The following PLXNA4 variants were observed in gnomAD, a reference collection of about 807,000 sequenced individuals.
PLXNA4 encodes plexin A4.
In PLXNA4, 44 loss-of-function variants were observed where a neutral mutation model predicts 191.8. The ratio of observed to expected loss-of-function variants is 0.23; its 90% CI spans 0.18 to 0.29. The LOEUF is 0.29. PLXNA4 is among the 10% of genes least tolerant of loss of function. The probability of loss-of-function intolerance (pLI) is 1.00; values close to 1 mark genes in which losing one functional copy is unlikely to be tolerated. For synonymous variants in PLXNA4, 1,082 were observed against 1,009.5 expected (o/e 1.07, Z -1.36); for missense variants, 1,800 against 2,488.8 (o/e 0.72, Z 5.89).
At chr7:132,228,274 T>A in intron 6 of PLXNA4, 72 bp downstream of exon 6, 1 of 1,597,742 alleles carries the variant, frequency 6.3e-7, no homozygotes, top group Non-Finnish European at 8.5e-7. Flanking sequence ...GGCCTTGGGC[T>A]AAGGCACTTT....
At chr7:132,427,100 C>G (rs1178134624) in intron 3 of PLXNA4, among the ~76,000 whole-genome samples, 1 of 152,184 alleles carries the variant, frequency 6.6e-6, no homozygotes, top group African/African-American at 2.4e-5. Context: ...TGGTGGGAGA[C>G]TTGAGCAACC....
rs779656758 is a variant in PLXNA4, at chr7:132,507,585, C to T, written c.1109G>A (p.Arg370Gln). The T allele has an allele frequency of 2.2e-5, 35 of 1,614,004 alleles. No homozygotes were observed. The highest frequency in any genetic ancestry group is 3.0e-5 in the Non-Finnish European group (35 of 1,180,036). Residue 370 changes from arginine to glutamine, a missense_variant, in exon 2 of 32, where the codon CGG becomes CAG. Arg to Gln is a conservative substitution (Grantham distance 43). Coordinates refer to ENST00000321063, the MANE Select transcript of PLXNA4 (RefSeq NM_020911.2). The part of the protein sequence containing the change: ...LKQINDRIKE[R>Q]LQSCYRGEGT... ...CTCGCCCCGGTAACAAGACTGCAGC[C>T]GCTCCTTAATGCGGTCATTTATCTG...
At chr7:132,540,480 G>A (rs1170407281) in intron 1 of PLXNA4, among the ~76,000 whole-genome samples, 2 of 151,264 alleles carry the variant, frequency 1.3e-5, no homozygotes, top group African/African-American at 2.4e-5. Context: ...TTCCAACACG[G>A]TGTTAGTAGG....
chr7:132,211,475 C>T (rs987991317), intron 9 of PLXNA4, among the ~76,000 whole-genome samples: 1 of 152,232 alleles, frequency 6.6e-6, no homozygotes, highest in African/African-American at 2.4e-5. Flanking sequence ...GCGGGCTAGG[C>T]CTCCCCTCCC....
At chr7:132,296,139 C>T (rs1396540904) in intron 4 of PLXNA4, among the ~76,000 whole-genome samples, 1 of 152,176 alleles carries the variant, frequency 6.6e-6, no homozygotes, top group Non-Finnish European at 1.5e-5. Flanking sequence ...GGGTGGCAGG[C>T]CAGTCTCCAC....
intron 3 of PLXNA4, among the ~76,000 whole-genome samples, chr7:132,357,778 G>A (rs1803770463): frequency 1.3e-5 from 2 of 152,170 alleles, no homozygotes; most frequent in Admixed American, 6.5e-5. Flanking sequence ...CTCTTCAGGG[G>A]ATTTTACTGC....
chr7:132,575,371 C>T (rs1802179300), intron 1 of PLXNA4, among the ~76,000 whole-genome samples: 1 of 152,170 alleles, frequency 6.6e-6, no homozygotes, highest in African/African-American at 2.4e-5. Context: ...CTCTGGGGGA[C>T]GCTGGCAGAC....
intron 2 of PLXNA4, among the ~76,000 whole-genome samples, chr7:132,636,430 TG>T (rs34195179): frequency 6.6e-6 from 1 of 152,194 alleles, no homozygotes; most frequent in Non-Finnish European, 1.5e-5. Flanking sequence ...TTCTGGGGTA[TG>T]GTTTTCTAAG....
chr7:132,297,914 C>T (rs1217774887), intron 4 of PLXNA4, among the ~76,000 whole-genome samples, 177 bp downstream of exon 4: 4 of 152,162 alleles, frequency 2.6e-5, no homozygotes, highest in Non-Finnish European at 4.4e-5. Context: ...TTTCCTGTTT[C>T]AGAACACCAA....
At chr7:132,220,810 C>CT (rs35090579) in intron 9 of PLXNA4, among the ~76,000 whole-genome samples, 6,077 of 100,770 alleles carry the variant, frequency 0.06, 248 homozygotes, top group African/African-American at 0.07. Flanking sequence ...TTATTTTATT[C>CT]TTTTTTTTTT....
intron 25 of PLXNA4, 97 bp from the exon 26 acceptor site, chr7:132,148,743 G>A (rs1795507968): frequency 3.2e-6 from 5 of 1,544,736 alleles, no homozygotes; most frequent in Non-Finnish European, 4.4e-6. Flanking sequence ...GCTAGCTCAA[G>A]GGTGTGTCCA....
intron 2 of PLXNA4, among the ~76,000 whole-genome samples, chr7:132,616,086 C>T (rs1023495647): frequency 8.5e-5 from 13 of 152,094 alleles, no homozygotes; most frequent in Admixed American, 7.2e-4. Context: ...TGGCAGATAA[C>T]GCCCAAACTC....
intron 3 of PLXNA4, among the ~76,000 whole-genome samples, chr7:132,414,024 C>A (rs533432475): frequency 6.6e-6 from 1 of 152,310 alleles, no homozygotes; most frequent in East Asian, 1.9e-4. Context: ...TTCCACTATT[C>A]GGGCCTAGAC....
intron 2 of PLXNA4, among the ~76,000 whole-genome samples, chr7:132,613,845 A>C (rs927845932): frequency 6.6e-6 from 1 of 152,212 alleles, no homozygotes; most frequent in African/African-American, 2.4e-5. Flanking sequence ...TTTTAAATCC[A>C]GGAAAAAAAA....
intron 4 of PLXNA4, among the ~76,000 whole-genome samples, chr7:132,291,089 C>G (rs766453311): frequency 4.6e-5 from 7 of 152,182 alleles, no homozygotes; most frequent in Non-Finnish European, 1.0e-4. Flanking sequence ...CTGTCTTCAG[C>G]TGTCTCACTC....
intron 1 of PLXNA4, among the ~76,000 whole-genome samples, chr7:132,569,862 T>C (rs1801893259): frequency 6.6e-6 from 1 of 152,228 alleles, no homozygotes; most frequent in Non-Finnish European, 1.5e-5. Flanking sequence ...ACAATTCTGC[T>C]TGAGAATCTA....
intron 1 of PLXNA4, among the ~76,000 whole-genome samples, chr7:132,573,568 G>A (rs147924899): frequency 2.0e-5 from 3 of 152,272 alleles, no homozygotes; most frequent in Non-Finnish European, 2.9e-5. Context: ...AAAGGATCCC[G>A]AGGCCAAGTG....
intron 4 of PLXNA4, among the ~76,000 whole-genome samples, chr7:132,254,556 C>T (rs1562993806): frequency 6.6e-6 from 1 of 152,182 alleles, no homozygotes; most frequent in Non-Finnish European, 1.5e-5. Context: ...ATCCTGTTGT[C>T]AGTGCTCAGC....
chr7:132,409,216 G>A (rs1301674850), intron 3 of PLXNA4, among the ~76,000 whole-genome samples: 1 of 152,162 alleles, frequency 6.6e-6, no homozygotes, highest in Admixed American at 6.5e-5. Flanking sequence ...AGGTTAGGGA[G>A]GTGGGGGCTC....
Sources: allele counts gnomAD v4.1 joint callset (sites outside exome capture counted in the v4.1 genomes callset), GRCh38; gene constraint gnomAD v4.1.1; transcripts MANE v1.5; gene names NCBI Gene and HGNC (gene_info 2026-07-23, HGNC 2026-07-21).